The following GPC5 variants were observed in gnomAD, a reference collection of about 807,000 sequenced individuals.
The protein encoded by GPC5 is glypican 5.
GPC5 carries 47 observed loss-of-function variants against 53.9 expected under a neutral mutation model. The ratio of observed to expected loss-of-function variants is 0.87; its 90% CI spans 0.69 to 1.11. GPC5 has a LOEUF of 1.11. Among genes scored for constraint, GPC5 ranks in the 50% most tolerant of loss-of-function variants. The pLI, the probability that GPC5 is intolerant of heterozygous loss-of-function variation, is 0.00. For synonymous variants in GPC5, 286 were observed against 263.3 expected, an observed-to-expected ratio of 1.09 and a Z score of -0.84; for missense variants, 748 against 713.1, an observed-to-expected ratio of 1.05 and a Z score of -0.56.
chr13:91,596,610 T>C (rs2033003279), intron 2 of GPC5, among the ~76,000 whole-genome samples: 1 of 152,192 alleles, frequency 6.6e-6, no homozygotes, highest in Admixed American at 6.5e-5. Flanking sequence ...ATAAATATTC[T>C]TGAGATTTGT....
chr13:92,269,416 T>TG (rs1005805158), intron 7 of GPC5, among the ~76,000 whole-genome samples: 2 of 134,234 alleles, frequency 1.5e-5, no homozygotes, highest in African/African-American at 5.8e-5. Flanking sequence ...TTTTGTTTTG[T>TG]TTTTTTTGAG....
intron 2 of GPC5, among the ~76,000 whole-genome samples, chr13:91,625,670 G>C (rs770614967): frequency 6.6e-6 from 1 of 152,010 alleles, no homozygotes; most frequent in East Asian, 1.9e-4. Context: ...AACAAGCCTA[G>C]TGTGAAAAAG....
intron 7 of GPC5, among the ~76,000 whole-genome samples, chr13:92,743,081 A>G (rs1295585489): frequency 1.3e-5 from 2 of 150,626 alleles, no homozygotes; most frequent in African/African-American, 4.9e-5. Flanking sequence ...TTTTGGTTCC[A>G]CATGAACTTT....
intron 7 of GPC5, among the ~76,000 whole-genome samples, chr13:92,572,744 C>A (rs1038795561): frequency 3.3e-5 from 5 of 152,056 alleles, no homozygotes; most frequent in Non-Finnish European, 5.9e-5. Context: ...CACAAAATGT[C>A]TAGCTTCATG....
chr13:92,626,605 T>C (rs1345705611), intron 7 of GPC5, among the ~76,000 whole-genome samples: 2 of 152,206 alleles, frequency 1.3e-5, no homozygotes, highest in East Asian at 3.8e-4. Flanking sequence ...ATTTTGAGTC[T>C]CTTTTTAGAG....
At chr13:92,534,862 G>A (rs770263398) in intron 7 of GPC5, among the ~76,000 whole-genome samples, 1 of 152,132 alleles carries the variant, frequency 6.6e-6, no homozygotes, top group Non-Finnish European at 1.5e-5. Context: ...AATAGCTAGA[G>A]GAGGATAGGA....
chr13:91,654,379 A>G (rs890131822), intron 2 of GPC5, among the ~76,000 whole-genome samples: 1 of 152,176 alleles, frequency 6.6e-6, no homozygotes, highest in Non-Finnish European at 1.5e-5. Flanking sequence ...ATGCTTAAAT[A>G]ATGGATTCGG....
intron 7 of GPC5, among the ~76,000 whole-genome samples, chr13:92,695,245 AT>A (rs1308690724): frequency 1.3e-5 from 2 of 151,962 alleles, no homozygotes; most frequent in South Asian, 4.2e-4. Context: ...GTTTGTTCAT[AT>A]TTTTTGCTCA....
chr13:91,548,185 A>G (rs1355776475), intron 2 of GPC5, among the ~76,000 whole-genome samples: 1 of 152,182 alleles, frequency 6.6e-6, no homozygotes, highest in East Asian at 1.9e-4. Context: ...TTTTGTTTGC[A>G]AGTGATATGA....
chr13:91,526,587 G>A (rs1886096131), intron 2 of GPC5, among the ~76,000 whole-genome samples: 1 of 152,140 alleles, frequency 6.6e-6, no homozygotes, highest in South Asian at 2.1e-4. Flanking sequence ...AAGGTATCTT[G>A]CCTTTCTAAA....
At chr13:91,618,530 G>A (rs1222988623) in intron 2 of GPC5, among the ~76,000 whole-genome samples, 2 of 152,078 alleles carry the variant, frequency 1.3e-5, no homozygotes, top group Non-Finnish European at 2.9e-5. Context: ...CCCGGTTCAT[G>A]TGCTTTGCTC....
At chr13:91,572,895 G>T (rs1247344048) in intron 2 of GPC5, among the ~76,000 whole-genome samples, 1 of 151,952 alleles carries the variant, frequency 6.6e-6, no homozygotes, top group Non-Finnish European at 1.5e-5. Flanking sequence ...TGTCAATCTG[G>T]GACTTACATT....
chr13:92,790,618 T>G lies in GPC5; in HGVS notation c.1562-75664T>G, dbSNP rs115694376. On this transcript the variant is annotated intron_variant, in intron 7 of 7. Coordinates refer to ENST00000377067, the MANE Select transcript of GPC5 (RefSeq NM_004466.6). ...ATCCAGTCAAGAAATGAGATCTTAG[T>G]TTGAAAAAGGAGATGGAATACTTTT... is the stretch of plus-strand genomic sequence containing the variant. Among the ~76,000 whole-genome samples the G allele has an allele frequency of 8.5e-3, 1,290 of 152,086 alleles. 18 individuals carry two copies. Among genetic ancestry groups the G allele is most frequent in the African/African-American group, 0.03 (1,237 of 41,494 alleles).
chr13:91,854,113 TA>T (rs2038942476), intron 5 of GPC5, among the ~76,000 whole-genome samples: 1 of 130,592 alleles, frequency 7.7e-6, no homozygotes, highest in East Asian at 3.4e-4. Context: ...TATGAGCAAG[TA>T]GGAAAAAAAA....
intron 6 of GPC5, among the ~76,000 whole-genome samples, chr13:92,086,370 C>G (rs1462915722): frequency 6.6e-6 from 1 of 152,198 alleles, no homozygotes; most frequent in Admixed American, 6.5e-5. Flanking sequence ...AAAATACATT[C>G]AACACACTGG....
At chr13:92,690,750 A>G (rs1365482329) in intron 7 of GPC5, among the ~76,000 whole-genome samples, 11 of 100,108 alleles carry the variant, frequency 1.1e-4, no homozygotes, top group South Asian at 1.1e-3. Flanking sequence ...TTTTTGGTGT[A>G]GATGTCCTTT....
intron 2 of GPC5, among the ~76,000 whole-genome samples, chr13:91,571,718 C>G (rs1385654642): frequency 7.8e-6 from 1 of 127,622 alleles, no homozygotes; most frequent in Non-Finnish European, 1.6e-5. Flanking sequence ...GAGCAAGACT[C>G]TGTCTCAAAT....
intron 7 of GPC5, among the ~76,000 whole-genome samples, chr13:92,859,222 A>C (rs1049956746): frequency 6.6e-6 from 1 of 152,176 alleles, no homozygotes; most frequent in African/African-American, 2.4e-5. Context: ...GCACTCCAGC[A>C]TGGGCAACAT....
intron 5 of GPC5, among the ~76,000 whole-genome samples, chr13:91,782,836 G>A (rs1309231642): frequency 1.3e-5 from 2 of 150,652 alleles, no homozygotes; most frequent in African/African-American, 5.0e-5. Flanking sequence ...AGGGTTATGG[G>A]TTAAAATTAA....
Sources: gnomAD v4.1 joint callset for allele counts (sites outside exome capture counted in the v4.1 genomes callset) on GRCh38, gnomAD v4.1.1 for gene constraint, MANE v1.5 for transcripts, NCBI Gene and HGNC (gene_info 2026-07-23, HGNC 2026-07-21) for gene names.